Variants in ATXN1 observed in about 807,000 individuals in gnomAD.
ATXN1 encodes ataxin 1.
Under a neutral mutation model 56.4 loss-of-function variants are expected in ATXN1, and 8 were observed. The observed-to-expected ratio is 0.14, with a 90% CI of 0.08 to 0.26. The LOEUF (loss-of-function observed/expected upper bound fraction) is 0.26. Among genes scored for constraint, ATXN1 ranks in the 10% least tolerant of loss-of-function variants. ATXN1 has a pLI of 1.00. For missense variants in ATXN1, 987 were observed against 1,106.5 expected, an observed-to-expected ratio of 0.89 and a Z score of 1.53; for synonymous variants, 514 against 494.6, an observed-to-expected ratio of 1.04 and a Z score of -0.52.
chr6:16,594,980 C>A (rs2299078), intron 3 of ATXN1, among the ~76,000 whole-genome samples: 78,390 of 152,054 alleles, frequency 0.52, 23,709 homozygotes, highest in Non-Finnish European at 0.67. Flanking sequence ...GAAGACTCCC[C>A]ATGACCTTCT....
chr6:16,598,607 C>G (rs963201312), intron 3 of ATXN1, among the ~76,000 whole-genome samples: 1 of 152,140 alleles, frequency 6.6e-6, no homozygotes, highest in Non-Finnish European at 1.5e-5. Flanking sequence ...AGCAGCCACT[C>G]GGACACTGGT....
At chr6:16,547,347 C>T (rs879754535) in intron 4 of ATXN1, among the ~76,000 whole-genome samples, 1 of 152,130 alleles carries the variant, frequency 6.6e-6, no homozygotes, top group African/African-American at 2.4e-5. Context: ...TTCAATGCAC[C>T]TGCTTTCAAA....
chr6:16,689,069 G>A (rs1758982994), intron 2 of ATXN1, among the ~76,000 whole-genome samples: 2 of 152,214 alleles, frequency 1.3e-5, no homozygotes, highest in Admixed American at 6.5e-5. Flanking sequence ...ATGTGTGTGT[G>A]TGTCCATGTA....
chr6:16,715,452 C>A (rs1056315901), intron 2 of ATXN1, among the ~76,000 whole-genome samples: 1 of 152,122 alleles, frequency 6.6e-6, no homozygotes, highest in East Asian at 1.9e-4. Flanking sequence ...GGCAGTGGTT[C>A]CCAACATTTT....
intron 6 of ATXN1, among the ~76,000 whole-genome samples, chr6:16,429,183 C>T (rs541932773): frequency 1.3e-5 from 2 of 152,054 alleles, no homozygotes; most frequent in South Asian, 4.2e-4. Flanking sequence ...GGCCCTGGTG[C>T]ATCATTTCCT....
intron 3 of ATXN1, among the ~76,000 whole-genome samples, chr6:16,601,966 C>T (rs955236805): frequency 2.0e-5 from 3 of 152,100 alleles, no homozygotes; most frequent in Non-Finnish European, 4.4e-5. Flanking sequence ...AAAATTCTCA[C>T]GTATTTTAGA....
At chr6:16,749,681 C>A (rs1287309015) in intron 2 of ATXN1, among the ~76,000 whole-genome samples, 1 of 152,150 alleles carries the variant, frequency 6.6e-6, no homozygotes, top group Non-Finnish European at 1.5e-5. Flanking sequence ...GAAGGCCATG[C>A]CACATCAATG....
At chr6:16,423,436 C>T (rs1042102551) in intron 6 of ATXN1, among the ~76,000 whole-genome samples, 1 of 152,158 alleles carries the variant, frequency 6.6e-6, no homozygotes, top group Non-Finnish European at 1.5e-5. Flanking sequence ...ATGCTAGCTC[C>T]TAACATCTCA....
rs75262123 is a variant in ATXN1 at position 16,470,781 on chromosome 6, C to T, written c.-161+15191G>A. On this transcript the variant is annotated intron_variant, in intron 6 of 7. Transcript: ENST00000436367. Reference sequence around the variant, plus strand: ...GTCAAGACAGGAGGATCACTTGAGGCCAGGGAGTGTGAGTCCAGCCTGGGC... The same window carrying T: ...GTCAAGACAGGAGGATCACTTGAGGTCAGGGAGTGTGAGTCCAGCCTGGGC... Among the ~76,000 whole-genome samples the T allele has an allele frequency of 3.4e-3, 515 of 152,098 alleles. 4 individuals carry two copies. Among genetic ancestry groups the T allele is most frequent in the African/African-American group, 0.012 (497 of 41,462 alleles).
chr6:16,509,207 C>T (rs889513431), intron 5 of ATXN1, among the ~76,000 whole-genome samples: 10 of 152,290 alleles, frequency 6.6e-5, no homozygotes, highest in Non-Finnish European at 1.3e-4. Flanking sequence ...TACTATCAGG[C>T]TGTATCTTGA....
Position 16,379,833 on chromosome 6 carries a change from C to A in ATXN1, c.-160-51363G>T, listed in dbSNP as rs139269193. Among the ~76,000 whole-genome samples the A allele has an allele frequency of 1.6e-4, 24 of 152,258 alleles. No homozygotes were observed. In the East Asian group the frequency reaches 4.6e-3, roughly 29 times the overall value. On this transcript the variant is annotated intron_variant, in intron 6 of 7. Transcript: ENST00000436367. The stretch of plus-strand genomic sequence containing the variant: ...AGTGTACAGGAAGCTCTAGATGGGT[C>A]ATTTTTGAACATATCCTCAAGATGA...
chr6:16,326,090 G>C lies in ATXN1; in HGVS notation c.1917+304C>G, dbSNP rs1249629323. Among the ~76,000 whole-genome samples, 2 of 152,148 alleles carry C rather than the reference G, an allele frequency of 1.3e-5. No homozygotes were observed. The highest frequency in any genetic ancestry group is 2.9e-5 in the Non-Finnish European group (2 of 68,036). ...AAGTCCAGCAGCGTTTCCTAATCAGGGTTCCTCATCTTAATCACAGAATTC... is the reference window on the plus strand; with the variant it reads ...AAGTCCAGCAGCGTTTCCTAATCAGCGTTCCTCATCTTAATCACAGAATTC... On this transcript the variant is annotated intron_variant, in intron 7 of 7. Transcript: ENST00000436367. The surrounding 1 kb of genome is among the most constrained non-coding windows in gnomAD (Gnocchi z 6.6).
chr6:16,720,071 T>C (rs1043405112), intron 2 of ATXN1, among the ~76,000 whole-genome samples: 1 of 152,186 alleles, frequency 6.6e-6, no homozygotes, highest in East Asian at 1.9e-4. Context: ...TCTAGATCAA[T>C]TCAAAGGCTC....
intron 3 of ATXN1, among the ~76,000 whole-genome samples, chr6:16,592,656 T>C (rs578040516): frequency 6.6e-6 from 1 of 152,226 alleles, no homozygotes; most frequent in East Asian, 1.9e-4. Context: ...TCCTAGCTGA[T>C]TCTGTGTCTG....
At chr6:16,373,280 T>C (rs892053497) in intron 6 of ATXN1, among the ~76,000 whole-genome samples, 1 of 152,258 alleles carries the variant, frequency 6.6e-6, no homozygotes, top group Non-Finnish European at 1.5e-5. Context: ...GATCCATAAT[T>C]TCTTGTTTGG....
chr6:16,684,852 G>GTT (rs67153659), intron 2 of ATXN1, among the ~76,000 whole-genome samples: 7 of 147,008 alleles, frequency 4.8e-5, no homozygotes, highest in Admixed American at 2.0e-4. Context: ...ATTAGGGCTG[G>GTT]TTTTTTTTTT....
chr6:16,409,279 G>A, intron 6 of ATXN1, among the ~76,000 whole-genome samples: 1 of 149,936 alleles, frequency 6.7e-6, no homozygotes, highest in South Asian at 2.1e-4. Context: ...CTTAGCGTCT[G>A]TCCTCTTTAT....
intron 3 of ATXN1, among the ~76,000 whole-genome samples, chr6:16,596,920 T>A (rs1293337659): frequency 6.6e-6 from 1 of 152,076 alleles, no homozygotes; most frequent in Non-Finnish European, 1.5e-5. Flanking sequence ...ACCCACGAAT[T>A]TCATCTCAGC....
chr6:16,749,206 G>A (rs889018152), intron 2 of ATXN1, among the ~76,000 whole-genome samples: 1 of 152,170 alleles, frequency 6.6e-6, no homozygotes, highest in East Asian at 1.9e-4. Context: ...TCAAAGTACA[G>A]TAAATGAATT....
Sources: gnomAD v4.1 joint callset for allele counts (sites outside exome capture counted in the v4.1 genomes callset) on GRCh38, gnomAD v4.1.1 for gene constraint, Gnocchi (gnomAD v3.1) non-coding constraint, MANE v1.5 for transcripts, NCBI Gene and HGNC (gene_info 2026-07-23, HGNC 2026-07-21) for gene names.